The following KCNN3 variants were observed in gnomAD, a reference collection of about 807,000 sequenced individuals.
The protein encoded by KCNN3 is potassium calcium-activated channel subfamily N member 3.
Under a neutral mutation model 62.9 loss-of-function variants are expected in KCNN3, and 16 were observed. The ratio of observed to expected loss-of-function variants is 0.25; its 90% CI spans 0.17 to 0.39. The LOEUF (loss-of-function observed/expected upper bound fraction) is 0.39. Among genes scored for constraint, KCNN3 ranks in the 10% least tolerant of loss-of-function variants. The pLI is 1.00. For missense variants in KCNN3, 599 were observed against 949.4 expected, an observed-to-expected ratio of 0.63 and a Z score of 4.85; for synonymous variants, 370 against 389.2, an observed-to-expected ratio of 0.95 and a Z score of 0.58.
intron 2 of KCNN3, among the ~76,000 whole-genome samples, chr1:154,793,508 A>G (rs1649603663): frequency 6.6e-6 from 1 of 152,222 alleles, no homozygotes; most frequent in Admixed American, 6.5e-5. Context: ...AAAGTTATAA[A>G]CCACCTAAAA....
intron 2 of KCNN3, among the ~76,000 whole-genome samples, chr1:154,797,909 A>G (rs1054614603): frequency 2.6e-5 from 4 of 152,106 alleles, no homozygotes; most frequent in Non-Finnish European, 4.4e-5. Context: ...CATCTGTTCA[A>G]TAAGAAGGAT....
At chr1:154,721,122 GA>G (rs1486886648) in intron 5 of KCNN3, among the ~76,000 whole-genome samples, 2 of 152,100 alleles carry the variant, frequency 1.3e-5, no homozygotes, top group Non-Finnish European at 1.5e-5. Context: ...CTTGGGGCAA[GA>G]AACCCCTGCA....
intron 3 of KCNN3, among the ~76,000 whole-genome samples, chr1:154,762,298 C>A (rs944445426): frequency 1.3e-5 from 2 of 152,220 alleles, no homozygotes; most frequent in Non-Finnish European, 1.5e-5. Flanking sequence ...GCCCGCCCAC[C>A]GCCAACAATA....
At chr1:154,737,875 T>C (rs1408952799) in intron 3 of KCNN3, among the ~76,000 whole-genome samples, 2 of 152,278 alleles carry the variant, frequency 1.3e-5, no homozygotes, top group African/African-American at 2.4e-5. Flanking sequence ...TGAGCTATGA[T>C]TGTGCCCCTG....
chr1:154,732,310 G>A (rs140434715), intron 4 of KCNN3, among the ~76,000 whole-genome samples: 3 of 152,344 alleles, frequency 2.0e-5, no homozygotes, highest in East Asian at 1.9e-4. Flanking sequence ...GTCGAGTGTG[G>A]GTGGTAGGGC....
chr1:154,733,191 G>C, intron 3 of KCNN3, 47 bp from the exon 4 acceptor site: 1 of 1,604,218 alleles, frequency 6.2e-7, no homozygotes. Flanking sequence ...CCATTCCTGG[G>C]AGTAAGGGCT....
At chr1:154,813,931 C>T (rs1209240121) in intron 2 of KCNN3, among the ~76,000 whole-genome samples, 2 of 152,218 alleles carry the variant, frequency 1.3e-5, no homozygotes, top group African/African-American at 4.8e-5. Context: ...AAGGGTTAAG[C>T]CCAAGTGTTT....
intron 3 of KCNN3, among the ~76,000 whole-genome samples, chr1:154,766,416 T>TATATATATATATATATATATATATA (rs1553231981): frequency 5.6e-5 from 4 of 71,804 alleles, no homozygotes; most frequent in Non-Finnish European, 5.6e-5. Flanking sequence ...TAGCCAGGCT[T>TATATATATATATATATATATATATA]TATATATATA....
At chr1:154,731,410 C>T (rs1700589218) in intron 4 of KCNN3, among the ~76,000 whole-genome samples, 2 of 152,256 alleles carry the variant, frequency 1.3e-5, no homozygotes, top group Non-Finnish European at 2.9e-5. Flanking sequence ...CTGCCCTGGA[C>T]TGGAGTCAGA....
At chr1:154,725,106 G>A (rs905234437) in intron 5 of KCNN3, among the ~76,000 whole-genome samples, 6 of 152,056 alleles carry the variant, frequency 3.9e-5, no homozygotes, top group African/African-American at 9.7e-5. Flanking sequence ...CGCCCGCCTC[G>A]GCCTCCCAAA....
intron 3 of KCNN3, 67 bp downstream of exon 3, chr1:154,771,908 C>T (rs749729371): frequency 9.2e-6 from 14 of 1,514,304 alleles, no homozygotes; most frequent in Middle Eastern, 1.7e-4. Context: ...CTTCCTGGCA[C>T]CCCTACTCCT....
chr1:154,744,504 C>CA lies in KCNN3; in HGVS notation c.1449-11361dup, dbSNP rs149814513. The stretch of plus-strand genomic sequence containing the variant: ...CTGGGCAGGAACCATTCTAGCTTGG[C>CA]AAAATACCCGCTCAGCCACTGCCAG... On this transcript the variant is annotated intron_variant, in intron 3 of 7. Coordinates refer to ENST00000271915, the MANE Select transcript of KCNN3 (RefSeq NM_002249.6). Among the ~76,000 whole-genome samples, 1,270 of 152,294 alleles carry CA rather than the reference C, an allele frequency of 8.3e-3. 18 individuals are homozygous for CA. The highest frequency in any genetic ancestry group is 0.029 in the African/African-American group (1,188 of 41,548).
intron 1 of KCNN3, among the ~76,000 whole-genome samples, chr1:154,834,806 A>G (rs1490313453): frequency 6.6e-6 from 1 of 152,230 alleles, no homozygotes; most frequent in African/African-American, 2.4e-5. Context: ...TGTGGGAGCC[A>G]GACTTGAAAC....
chr1:154,761,198 T>C (rs899876480), intron 3 of KCNN3, among the ~76,000 whole-genome samples: 6 of 152,228 alleles, frequency 3.9e-5, no homozygotes, highest in African/African-American at 7.2e-5. Flanking sequence ...AATGTTTACA[T>C]GTATGAAAAT....
intron 7 of KCNN3, among the ~76,000 whole-genome samples, chr1:154,711,720 A>G (rs1250983836): frequency 6.6e-6 from 1 of 152,164 alleles, no homozygotes; most frequent in African/African-American, 2.4e-5. Flanking sequence ...GATTGGTCCC[A>G]GGGTGGATAC....
chr1:154,749,947 G>A (rs548076257), intron 3 of KCNN3, among the ~76,000 whole-genome samples: 10 of 152,342 alleles, frequency 6.6e-5, no homozygotes, highest in Admixed American at 3.9e-4. Context: ...CCTGGGCTAC[G>A]CAGAAAGGCA....
intron 1 of KCNN3, among the ~76,000 whole-genome samples, chr1:154,866,531 G>A (rs1571351370): frequency 6.6e-6 from 1 of 152,346 alleles, no homozygotes; most frequent in East Asian, 1.9e-4. Context: ...CTCCAGGAGA[G>A]AGGGATATCT....
intron 2 of KCNN3, among the ~76,000 whole-genome samples, chr1:154,780,702 T>C (rs1298177915): frequency 5.9e-5 from 9 of 151,912 alleles, no homozygotes; most frequent in Non-Finnish European, 1.0e-4. Flanking sequence ...AAAAATCCTG[T>C]AGTACCTAAT....
At chr1:154,752,749 C>T (rs1193941274) in intron 3 of KCNN3, among the ~76,000 whole-genome samples, 2 of 152,146 alleles carry the variant, frequency 1.3e-5, no homozygotes. Context: ...CTGCTGGGGG[C>T]GAGGCAATTA....
Sources: allele counts gnomAD v4.1 joint callset (sites outside exome capture counted in the v4.1 genomes callset), GRCh38; gene constraint gnomAD v4.1.1; transcripts MANE v1.5; gene names NCBI Gene and HGNC (gene_info 2026-07-23, HGNC 2026-07-21).